PHF2: variants seen among roughly 807,000 people sequenced by gnomAD.
PHF2 encodes lysine-specific demethylase PHF2.
In PHF2, 27 loss-of-function variants were observed where a neutral mutation model predicts 120.5. That is an observed-to-expected ratio of 0.22 (90% CI 0.17 to 0.31). The LOEUF (loss-of-function observed/expected upper bound fraction) is 0.31, where lower values mean the gene tolerates loss of function less well. Ranked by LOEUF, PHF2 falls within the 10% of genes least tolerant of loss-of-function variation. The pLI, the probability that PHF2 is intolerant of heterozygous loss-of-function variation, is 1.00. For synonymous variants in PHF2, 568 were observed against 592.5 expected, an observed-to-expected ratio of 0.96 and a Z score of 0.60; for missense variants, 1,024 against 1,434.8, an observed-to-expected ratio of 0.71 and a Z score of 4.63.
At chr9:93,596,557 G>A (rs1825336183) in intron 1 of PHF2, among the ~76,000 whole-genome samples, 1 of 152,014 alleles carries the variant, frequency 6.6e-6, no homozygotes, top group Non-Finnish European at 1.5e-5. Flanking sequence ...AGTCGGGAGG[G>A]GCAGGGCTCG....
At chr9:93,597,560 G>C (rs1825358220) in intron 1 of PHF2, among the ~76,000 whole-genome samples, 1 of 152,108 alleles carries the variant, frequency 6.6e-6, no homozygotes, top group African/African-American at 2.4e-5. Flanking sequence ...TTGGGGGCAG[G>C]CAGTGGGACA....
intron 1 of PHF2, among the ~76,000 whole-genome samples, chr9:93,615,859 G>C (rs1343465007): frequency 1.3e-5 from 2 of 152,214 alleles, no homozygotes; most frequent in Non-Finnish European, 2.9e-5. Flanking sequence ...GGCCTTCTCT[G>C]CAGGGGACCA....
In PHF2 at chr9:93,663,026, G is replaced by A; in HGVS notation, c.1818G>A (p.Lys606=). 1.2e-6 allele frequency: 2 copies of A among 1,614,104 alleles called. No homozygotes were observed. Among genetic ancestry groups the A allele is most frequent in the Non-Finnish European group, 1.7e-6 (2 of 1,179,988 alleles). ...KSKSEAKWKY[K]NSKPDSLLKM... ...AGTCAGAGGCCAAGTGGAAGTACAA[G>A]GTGAGAAGTGCACATATGCATGCAC... Residue 606 remains lysine, a splice_region_variant and synonymous_variant, in exon 13 of 22, where the codon AAG becomes AAA. Transcript: ENST00000359246.
chr9:93,671,387 C>A (rs1428317753), intron 17 of PHF2, among the ~76,000 whole-genome samples: 1 of 122,142 alleles, frequency 8.2e-6, no homozygotes, highest in Non-Finnish European at 1.7e-5. Flanking sequence ...GATGTAGGTA[C>A]AGGTGTAGAT....
At chr9:93,614,573 G>C (rs904787086) in intron 1 of PHF2, among the ~76,000 whole-genome samples, 6 of 152,254 alleles carry the variant, frequency 3.9e-5, no homozygotes, top group Non-Finnish European at 7.3e-5. Flanking sequence ...TTTAAAGACA[G>C]GAAGGGGCTG....
At chr9:93,635,780 G>A (rs1429852322) in intron 2 of PHF2, among the ~76,000 whole-genome samples, 1 of 152,196 alleles carries the variant, frequency 6.6e-6, no homozygotes, top group Non-Finnish European at 1.5e-5. Context: ...AAAGTCCAAG[G>A]TGTGTGTACC....
At chr9:93,604,717 G>T (rs569802721) in intron 1 of PHF2, among the ~76,000 whole-genome samples, 1 of 152,232 alleles carries the variant, frequency 6.6e-6, no homozygotes, top group East Asian at 1.9e-4. Context: ...GCCTGCCTCG[G>T]CCTCCCAAAG....
intron 1 of PHF2, among the ~76,000 whole-genome samples, chr9:93,591,894 C>T (rs1433735245): frequency 6.6e-6 from 1 of 152,240 alleles, no homozygotes; most frequent in South Asian, 2.1e-4. Flanking sequence ...TGCTCCTAGT[C>T]TGGCTGCTCA....
At chr9:93,675,413 C>T (rs1023268389) in intron 19 of PHF2, among the ~76,000 whole-genome samples, 11 of 152,234 alleles carry the variant, frequency 7.2e-5, no homozygotes, top group African/African-American at 2.7e-4. Context: ...GTCCACCTTC[C>T]ACATTACCCT....
intron 1 of PHF2, among the ~76,000 whole-genome samples, chr9:93,593,624 T>C (rs1256825873): frequency 6.6e-6 from 1 of 152,254 alleles, no homozygotes; most frequent in Non-Finnish European, 1.5e-5. Context: ...ATTTTAGATA[T>C]TTATTTAATT....
At chr9:93,584,247 T>A in intron 1 of PHF2, among the ~76,000 whole-genome samples, 1 of 152,224 alleles carries the variant, frequency 6.6e-6, no homozygotes, top group Non-Finnish European at 1.5e-5. Context: ...TTTGATAAAG[T>A]CTGGTTTATC....
At chr9:93,638,845 A>G (rs867971857) in intron 3 of PHF2, among the ~76,000 whole-genome samples, 12 of 152,134 alleles carry the variant, frequency 7.9e-5, no homozygotes, top group Admixed American at 2.6e-4. Flanking sequence ...CAGCCTCCTA[A>G]GTAGCTGGGA....
At chr9:93,650,538 C>T (rs1327661626) in intron 5 of PHF2, among the ~76,000 whole-genome samples, 2 of 152,212 alleles carry the variant, frequency 1.3e-5, no homozygotes, top group Non-Finnish European at 2.9e-5. Flanking sequence ...TTGGCCCGGT[C>T]CCCCTGAGTT....
chr9:93,592,364 G>A (rs1825244121), intron 1 of PHF2, among the ~76,000 whole-genome samples: 1 of 152,124 alleles, frequency 6.6e-6, no homozygotes, highest in Admixed American at 6.5e-5. Flanking sequence ...GGGGAGCGCA[G>A]CATCATTGCC....
intron 1 of PHF2, among the ~76,000 whole-genome samples, chr9:93,626,928 A>G (rs1457751945): frequency 6.6e-6 from 1 of 152,242 alleles, no homozygotes; most frequent in African/African-American, 2.4e-5. Flanking sequence ...GTTCTATTCC[A>G]TTGATCTATA....
chr9:93,653,516 GA>G (rs1394410535), intron 6 of PHF2, 151 bp downstream of exon 6: 2 of 739,562 alleles, frequency 2.7e-6, no homozygotes, highest in African/African-American at 3.5e-5. Context: ...GGCCTCTGGA[GA>G]CATCTCTGGG....
intron 17 of PHF2, 117 bp downstream of exon 17, chr9:93,667,357 C>A: frequency 1.6e-6 from 2 of 1,266,212 alleles, no homozygotes; most frequent in Non-Finnish European, 2.2e-6. Context: ...CAGTGCTGAG[C>A]CGCCCCTGGG....
intron 20 of PHF2, 37 bp downstream of exon 20, chr9:93,675,826 C>T (rs1214738060): frequency 6.7e-6 from 10 of 1,496,272 alleles, no homozygotes; most frequent in Non-Finnish European, 9.2e-6. Flanking sequence ...GCAGCCAGGT[C>T]CCTGCTACCC....
Position 93,630,069 on chromosome 9 carries a change from C to T in PHF2, c.184+14C>T. On this transcript the variant is annotated intron_variant, in intron 2 of 21. Transcript: ENST00000359246. Reference sequence around the variant, plus strand: ...GGAAGTCCACCTGTAAGTACCGCAGCCCAAGCGGCCATCTCTTGCGGAAGA... The same window carrying T: ...GGAAGTCCACCTGTAAGTACCGCAGTCCAAGCGGCCATCTCTTGCGGAAGA... 1 of 1,611,324 alleles carries T rather than the reference C, an allele frequency of 6.2e-7. No individual in the cohort carries two copies. Among genetic ancestry groups the T allele is most frequent in the African/African-American group, 1.3e-5 (1 of 74,972 alleles).
Sources: allele counts gnomAD v4.1 joint callset (sites outside exome capture counted in the v4.1 genomes callset), GRCh38; gene constraint gnomAD v4.1.1; transcripts MANE v1.5; gene names NCBI Gene and HGNC (gene_info 2026-07-23, HGNC 2026-07-21).